Variants in ESRRG observed in about 807,000 individuals in gnomAD.
ESRRG encodes the protein estrogen-related receptor gamma.
In ESRRG, 13 loss-of-function variants were observed where a neutral mutation model predicts 44.0. The ratio of observed to expected loss-of-function variants is 0.30; its 90% confidence interval spans 0.19 to 0.47. The LOEUF (loss-of-function observed/expected upper bound fraction) is 0.47. Among genes scored for constraint, ESRRG ranks in the 20% least tolerant of loss-of-function variants. The probability of loss-of-function intolerance (pLI) is 1.00; values close to 1 mark genes in which losing one functional copy is unlikely to be tolerated. For missense variants in ESRRG, 395 were observed against 580.6 expected, an observed-to-expected ratio of 0.68 and a Z score of 3.29; for synonymous variants, 215 against 214.6, an observed-to-expected ratio of 1.00 and a Z score of -0.02.
rs111592595 is a variant in ESRRG, at chr1:216,700,725, C to T, written c.56+22519G>A. Among the ~76,000 whole-genome samples the T allele has an allele frequency of 3.7e-3, 570 of 152,290 alleles. 5 individuals carry two copies. The highest frequency in any genetic ancestry group is 0.013 in the African/African-American group (542 of 41,562). On this transcript the variant is annotated intron_variant, in intron 1 of 6. Transcript: ENST00000408911. Reference sequence around the variant, plus strand: ...TCAGTGTAATCTGCTAGAGTCTACACTTTCTCCTTTAGTACCCTTAGTAGG... The same window carrying T: ...TCAGTGTAATCTGCTAGAGTCTACATTTTCTCCTTTAGTACCCTTAGTAGG...
At chr1:217,038,785 A>G (rs1440214937) in intron 1 of ESRRG, among the ~76,000 whole-genome samples, 1 of 152,192 alleles carries the variant, frequency 6.6e-6, no homozygotes, top group Non-Finnish European at 1.5e-5. Flanking sequence ...TTACTTATGC[A>G]AATTTCTACA....
chr1:216,713,924 T>C (rs886103835), intron 1 of ESRRG, among the ~76,000 whole-genome samples: 4 of 152,214 alleles, frequency 2.6e-5, no homozygotes, highest in Non-Finnish European at 4.4e-5. Context: ...TCTTATCAGG[T>C]GTATGAACAG....
rs1453685004 is a variant in ESRRG at position 216,771,887 on chromosome 1, G to T, written c.-13-94396C>A. Among the ~76,000 whole-genome samples the T allele has an allele frequency of 2.0e-5, 3 of 148,332 alleles. No individual in the cohort carries two copies. In the South Asian group the frequency reaches 6.5e-4, roughly 32 times the overall value. On this transcript the variant is annotated intron_variant, in intron 2 of 7. Transcript: ENST00000359162. ...TTAAATATCAAACCCCAAAGTGTGT[G>T]GTGAAAGTGACACTGCTGTAGTATA...
At chr1:216,512,148 C>T (rs907710984) in intron 6 of ESRRG, among the ~76,000 whole-genome samples, 2 of 152,126 alleles carry the variant, frequency 1.3e-5, no homozygotes, top group African/African-American at 2.4e-5. Context: ...AGGTAATGAA[C>T]GTCAACAGTT....
At chr1:216,757,697 T>C (rs189823174) in intron 2 of ESRRG, among the ~76,000 whole-genome samples, 55 of 152,164 alleles carry the variant, frequency 3.6e-4, no homozygotes, top group African/African-American at 1.3e-3. Context: ...CTATCTCAGG[T>C]ATTAGCAAAT....
intron 2 of ESRRG, among the ~76,000 whole-genome samples, chr1:216,803,693 T>C (rs1010164420): frequency 9.9e-5 from 15 of 152,152 alleles, no homozygotes; most frequent in African/African-American, 3.4e-4. Context: ...ACACAATCCC[T>C]GCAGCTCCGA....
In ESRRG at chr1:217,039,745, A is replaced by T. The variant is rs540660995; in HGVS notation, c.-106+49762T>A. On this transcript the variant is annotated intron_variant, in intron 1 of 7. Coordinates refer to the ESRRG transcript ENST00000359162. ...ACTTAAATTAAGGCTTTACCCTACC[A>T]ATTATTTGTATTTGTTTTTACAACC... Among the ~76,000 whole-genome samples, 27 of 152,256 alleles carry T rather than the reference A, an allele frequency of 1.8e-4. No individual in the cohort carries two copies. The East Asian group carries it at 4.4e-3, about 25-fold the overall frequency.
At chr1:216,534,046 G>C (rs755812960) in intron 5 of ESRRG, among the ~76,000 whole-genome samples, 1 of 152,052 alleles carries the variant, frequency 6.6e-6, no homozygotes, top group South Asian at 2.1e-4. Flanking sequence ...AGCTATAATA[G>C]CTACCTACAG....
At chr1:216,619,691 T>C (rs1367463973) in intron 3 of ESRRG, among the ~76,000 whole-genome samples, 1 of 152,200 alleles carries the variant, frequency 6.6e-6, no homozygotes, top group Non-Finnish European at 1.5e-5. Context: ...CCAACCATAA[T>C]TTTTGAGGTT....
intron 1 of ESRRG, among the ~76,000 whole-genome samples, chr1:217,032,351 A>G (rs1001105368): frequency 6.6e-6 from 1 of 152,126 alleles, no homozygotes; most frequent in Non-Finnish European, 1.5e-5. Context: ...AAATATACTG[A>G]GTAGATAGTG....
At position 216,989,427 on chromosome 1, in the gene ESRRG, CAAAA is replaced by C. The variant is rs67759463; in HGVS notation, c.-105-49758_-105-49755del. Among the ~76,000 whole-genome samples, 152 of 79,352 alleles carry C rather than the reference CAAAA, an allele frequency of 1.9e-3. 1 individual carries two copies. The highest frequency in any genetic ancestry group is 6.8e-3 in the African/African-American group (148 of 21,832). 52.1% of individuals were successfully genotyped at this position (79,352 alleles called of 152,430 possible). The stretch of plus-strand genomic sequence containing the variant: ...TGTCTGCATGGTAGAGACTCTGTCT[CAAAA>C]AAAAAAAAAAAAAAAAAAACACAGT... On this transcript the variant is annotated intron_variant, in intron 1 of 7. Coordinates refer to the ESRRG transcript ENST00000359162.
rs78081102 is a variant in ESRRG at position 216,823,565 on chromosome 1, A to G, written c.-14+116017T>C. ...TCCTTTTGGCACTAAAAGGAAAAACACAAGAGAAAACTCATTCTTTTTTAA... is the reference window on the plus strand; with the variant it reads ...TCCTTTTGGCACTAAAAGGAAAAACGCAAGAGAAAACTCATTCTTTTTTAA... On this transcript the variant is annotated intron_variant, in intron 2 of 7. Coordinates refer to the ESRRG transcript ENST00000359162. Among the ~76,000 whole-genome samples, 1,072 of 152,320 alleles carry G rather than the reference A, an allele frequency of 7.0e-3. 19 individuals carry two copies. The highest frequency in any genetic ancestry group is 0.024 in the African/African-American group (1,016 of 41,580).
intron 1 of ESRRG, among the ~76,000 whole-genome samples, chr1:217,121,965 A>C (rs2092826264): frequency 6.6e-6 from 1 of 152,206 alleles, no homozygotes. Flanking sequence ...ATTTGCTTAA[A>C]AGGAAATTGC....
chr1:217,107,489 TC>T (rs1434600872), intron 1 of ESRRG, among the ~76,000 whole-genome samples: 2 of 152,202 alleles, frequency 1.3e-5, no homozygotes, highest in Non-Finnish European at 2.9e-5. Flanking sequence ...TTGCACTTTT[TC>T]CCCCCTGGGG....
chr1:216,926,401 A>G lies in ESRRG; in HGVS notation c.-14+13181T>C, dbSNP rs536793159. Among the ~76,000 whole-genome samples the G allele has an allele frequency of 2.6e-4, 38 of 145,034 alleles. No homozygotes were observed. The South Asian group carries it at 7.9e-3, about 30-fold the overall frequency. ...ACCACTTTCCATCCCAGGAAAACTG[A>G]TAACACCTATGAAAAAAAAAAAAAA... On this transcript the variant is annotated intron_variant, in intron 2 of 7. Coordinates refer to the ESRRG transcript ENST00000359162.
intron 3 of ESRRG, among the ~76,000 whole-genome samples, chr1:216,645,398 A>G (rs1339683404): frequency 6.6e-6 from 1 of 152,088 alleles, no homozygotes; most frequent in Non-Finnish European, 1.5e-5. Flanking sequence ...TATTGGAATA[A>G]TGTTTCTATA....
At chr1:217,060,730 C>A (rs1037168164) in intron 1 of ESRRG, among the ~76,000 whole-genome samples, 4 of 151,456 alleles carry the variant, frequency 2.6e-5, no homozygotes, top group Non-Finnish European at 5.9e-5. Context: ...AGAGAATAGG[C>A]CAGGACCCAG....
intron 2 of ESRRG, among the ~76,000 whole-genome samples, chr1:216,754,256 G>T (rs1379336848): frequency 2.0e-5 from 3 of 151,924 alleles, no homozygotes; most frequent in African/African-American, 7.3e-5. Context: ...TAAACCCTGG[G>T]GAATCCCAGG....
intron 3 of ESRRG, among the ~76,000 whole-genome samples, chr1:216,595,407 T>C (rs949266530): frequency 6.6e-6 from 1 of 152,220 alleles, no homozygotes; most frequent in Non-Finnish European, 1.5e-5. Context: ...TATGATTGAA[T>C]TTATTTATTT....
Sources: allele counts gnomAD v4.1 joint callset (sites outside exome capture counted in the v4.1 genomes callset), GRCh38; gene constraint gnomAD v4.1.1; transcripts MANE v1.5; gene names NCBI Gene and HGNC (gene_info 2026-07-23, HGNC 2026-07-21).